The following LUZP2 variants were observed in gnomAD, a reference collection of about 807,000 sequenced individuals.
LUZP2 encodes the protein leucine zipper protein 2.
LUZP2 carries 52 observed loss-of-function variants against 51.6 expected under a neutral mutation model. That is an observed-to-expected ratio of 1.01 (90% CI 0.81 to 1.27). The LOEUF is 1.27. LUZP2 is among the 50% of genes most tolerant of loss of function. The pLI is 0.00. For missense variants in LUZP2, 436 were observed against 395.4 expected (o/e 1.10, Z -0.87); for synonymous variants, 154 against 137.3 (o/e 1.12, Z -0.85).
chr11:24,870,377 C>T (rs1451206148), intron 5 of LUZP2, among the ~76,000 whole-genome samples: 1 of 151,962 alleles, frequency 6.6e-6, no homozygotes, highest in Non-Finnish European at 1.5e-5. Flanking sequence ...TTTCTCTGCC[C>T]AGCCTCCTGA....
intron 5 of LUZP2, among the ~76,000 whole-genome samples, chr11:24,820,201 T>C (rs145504699): frequency 1.3e-5 from 2 of 152,290 alleles, no homozygotes; most frequent in African/African-American, 4.8e-5. Context: ...CTGTGGACTT[T>C]AGATAACATT....
intron 1 of LUZP2, among the ~76,000 whole-genome samples, chr11:24,657,958 A>C (rs1311565254): frequency 6.6e-6 from 1 of 152,214 alleles, no homozygotes; most frequent in Non-Finnish European, 1.5e-5. Context: ...TTCCATGCTC[A>C]TGGGTAGGAA....
At chr11:24,995,417 T>G (rs755460797) in intron 9 of LUZP2, among the ~76,000 whole-genome samples, 1 of 152,014 alleles carries the variant, frequency 6.6e-6, no homozygotes, top group Non-Finnish European at 1.5e-5. Flanking sequence ...AAAAAGCTAA[T>G]AACATATATT....
At chr11:24,949,288 T>TTATCTATCTATC (rs201078923) in intron 7 of LUZP2, among the ~76,000 whole-genome samples, 3 of 141,188 alleles carry the variant, frequency 2.1e-5, no homozygotes, top group South Asian at 2.4e-4. Context: ...ATTATCTAGA[T>TTATCTATCTATC]TATCTATCTA....
intron 7 of LUZP2, among the ~76,000 whole-genome samples, chr11:24,956,944 A>G (rs1304364498): frequency 3.3e-5 from 5 of 152,264 alleles, no homozygotes; most frequent in Admixed American, 6.5e-5. Flanking sequence ...TAGAATACAA[A>G]CACCAACATT....
chr11:24,939,331 G>A (rs765652237), intron 7 of LUZP2, among the ~76,000 whole-genome samples: 8 of 152,032 alleles, frequency 5.3e-5, no homozygotes, highest in Non-Finnish European at 1.5e-5. Flanking sequence ...CCTCAGTCTA[G>A]TAAGGGAGAG....
At chr11:25,012,021 C>A (rs1856998500) in intron 9 of LUZP2, among the ~76,000 whole-genome samples, 1 of 152,094 alleles carries the variant, frequency 6.6e-6, no homozygotes, top group Admixed American at 6.5e-5. Flanking sequence ...GCATTCCCTA[C>A]CCTTTTCTAA....
intron 9 of LUZP2, among the ~76,000 whole-genome samples, chr11:25,012,709 G>T (rs1418285778): frequency 6.6e-6 from 1 of 152,088 alleles, no homozygotes; most frequent in Non-Finnish European, 1.5e-5. Flanking sequence ...GTATGAAAAA[G>T]ACAAAAAATA....
intron 7 of LUZP2, among the ~76,000 whole-genome samples, chr11:24,916,560 C>T (rs547929625): frequency 5.1e-4 from 77 of 152,150 alleles, no homozygotes; most frequent in African/African-American, 1.8e-3. Context: ...GTTCAGTTCC[C>T]ACCTATGAGT....
rs755086981 is a variant in LUZP2 at position 24,497,269 on chromosome 11, T to C, written c.26T>C (p.Leu9Pro). The change falls in exon 1 of 12, where the codon CTG becomes CCG. Residue 9 changes from leucine (L) to proline (P), a missense_variant. Transcript: ENST00000336930. ...ATGAAATTCAGCCCAGCGCACTACC[T>C]GCTGCCTCTCCTGCCTGCGCTGGTC... MKFSPAHY[L>P]LPLLPALVLS... is the part of the protein sequence containing the mutation. 1.7e-5 allele frequency: 26 copies of C among 1,567,672 alleles called. No homozygotes were observed. Among genetic ancestry groups the C allele is most frequent in the Non-Finnish European group, 2.0e-5 (23 of 1,155,506 alleles).
At chr11:24,580,002 T>C (rs1852792551) in intron 1 of LUZP2, among the ~76,000 whole-genome samples, 1 of 152,128 alleles carries the variant, frequency 6.6e-6, no homozygotes, top group Non-Finnish European at 1.5e-5. Flanking sequence ...TGTGAATGAA[T>C]TAGTTAACAG....
intron 5 of LUZP2, among the ~76,000 whole-genome samples, chr11:24,775,023 A>G (rs1309995111): frequency 6.6e-6 from 1 of 151,540 alleles, no homozygotes; most frequent in Non-Finnish European, 1.5e-5. Flanking sequence ...GCCATATAAT[A>G]TAAAATACAA....
chr11:24,697,567 T>C (rs1351698435), intron 1 of LUZP2, among the ~76,000 whole-genome samples: 1 of 152,160 alleles, frequency 6.6e-6, no homozygotes, highest in Non-Finnish European at 1.5e-5. Context: ...TAGTTTGTAG[T>C]TTAATCTTAA....
intron 1 of LUZP2, among the ~76,000 whole-genome samples, chr11:24,714,772 C>T (rs1269375626): frequency 6.6e-6 from 1 of 152,124 alleles, no homozygotes; most frequent in Non-Finnish European, 1.5e-5. Flanking sequence ...AAGGGACAGC[C>T]TGAGAAATTT....
intron 1 of LUZP2, among the ~76,000 whole-genome samples, chr11:24,630,452 T>C (rs576514641): frequency 6.6e-6 from 1 of 152,124 alleles, no homozygotes; most frequent in Non-Finnish European, 1.5e-5. Context: ...GGGTGTCTTT[T>C]CTACAATGTA....
chr11:24,995,018 T>G (rs1480525549), intron 9 of LUZP2, among the ~76,000 whole-genome samples: 1 of 152,230 alleles, frequency 6.6e-6, no homozygotes, highest in Non-Finnish European at 1.5e-5. Flanking sequence ...CGTTTTATTT[T>G]CATTTTTCAT....
At chr11:24,798,528 T>C (rs1849609367) in intron 5 of LUZP2, among the ~76,000 whole-genome samples, 1 of 152,198 alleles carries the variant, frequency 6.6e-6, no homozygotes, top group East Asian at 1.9e-4. Flanking sequence ...ACTAACAATA[T>C]ATTTGCGCCA....
chr11:24,767,288 G>A lies in LUZP2; in HGVS notation c.396+3980G>A, dbSNP rs572812704. On this transcript the variant is annotated intron_variant, in intron 5 of 11. Coordinates refer to ENST00000336930, the MANE Select transcript of LUZP2 (RefSeq NM_001009909.4). ...AGTCTCTAGTTCTAATCTCTCTTGT[G>A]TAATCCTTCTGTTAAAAAGGTTAAC... Among the ~76,000 whole-genome samples the A allele has an allele frequency of 1.4e-3, 215 of 152,182 alleles. 1 individual carries two copies. Among genetic ancestry groups the A allele is most frequent in the African/African-American group, 5.0e-3 (206 of 41,528 alleles).
chr11:24,801,604 G>T (rs1190621546), intron 5 of LUZP2, among the ~76,000 whole-genome samples: 2 of 151,576 alleles, frequency 1.3e-5, no homozygotes, highest in African/African-American at 4.8e-5. Context: ...ACTCCATATT[G>T]CTTCACTAAG....
Sources: allele counts gnomAD v4.1 joint callset (sites outside exome capture counted in the v4.1 genomes callset), GRCh38; gene constraint gnomAD v4.1.1; transcripts MANE v1.5; gene names NCBI Gene and HGNC (gene_info 2026-07-23, HGNC 2026-07-21).